Variants in CA10 observed in about 807,000 individuals in gnomAD.
The protein encoded by CA10 is carbonic anhydrase 10 (inactive).
In CA10, 14 loss-of-function variants were observed where a neutral mutation model predicts 44.2. That is an observed-to-expected ratio of 0.32 (90% confidence interval 0.21 to 0.50). The LOEUF (loss-of-function observed/expected upper bound fraction) is 0.50, where lower values mean the gene tolerates loss of function less well. CA10 is among the 20% of genes least tolerant of loss of function. The pLI, the probability that CA10 is intolerant of heterozygous loss-of-function variation, is 0.99. For synonymous variants in CA10, 159 were observed against 141.6 expected, an observed-to-expected ratio of 1.12 and a Z score of -0.87; for missense variants, 350 against 409.7, an observed-to-expected ratio of 0.85 and a Z score of 1.26.
chr17:51,889,734 G>A (rs758768338), intron 3 of CA10, among the ~76,000 whole-genome samples: 3 of 152,142 alleles, frequency 2.0e-5, no homozygotes, highest in Non-Finnish European at 4.4e-5. Flanking sequence ...CAGATCAATA[G>A]TAGCATCACT....
At chr17:51,980,710 G>C (rs1478685933) in intron 2 of CA10, among the ~76,000 whole-genome samples, 3 of 152,020 alleles carry the variant, frequency 2.0e-5, no homozygotes, top group African/African-American at 7.2e-5. Flanking sequence ...TATAAGGAAG[G>C]GGTCCAGCTT....
intron 3 of CA10, among the ~76,000 whole-genome samples, chr17:51,759,855 A>G (rs1356429147): frequency 6.6e-6 from 1 of 152,198 alleles, no homozygotes; most frequent in African/African-American, 2.4e-5. Context: ...TTGCTTTGAT[A>G]ATTATAAAGA....
chr17:51,939,534 C>T (rs887247962), intron 2 of CA10, among the ~76,000 whole-genome samples: 3 of 152,186 alleles, frequency 2.0e-5, no homozygotes, highest in East Asian at 1.9e-4. Flanking sequence ...ACTCTCCTAT[C>T]GGCAATGTGT....
chr17:52,072,365 T>C lies in CA10; in HGVS notation c.90A>G (p.Glu30=). ...SAQQNSPKIH[E]GWWAYKEVVQ... ...CCACCTCCTTGTATGCCCACCAGCC[T>C]TCATGGATTTTTGGTGAATTCTGTT... Residue 30 remains glutamate, a synonymous_variant, in exon 2 of 9, where the codon GAA becomes GAG. Coordinates refer to ENST00000451037, the MANE Select transcript of CA10 (RefSeq NM_020178.5). 6.2e-7 allele frequency: 1 copy of C among 1,613,496 alleles called. No homozygotes were observed. The highest frequency in any genetic ancestry group is 8.5e-7 in the Non-Finnish European group (1 of 1,179,528).
At chr17:51,849,097 A>ATG (rs959509008) in intron 3 of CA10, among the ~76,000 whole-genome samples, 3 of 147,204 alleles carry the variant, frequency 2.0e-5, no homozygotes, top group Non-Finnish European at 4.5e-5. Flanking sequence ...GTGTATATTT[A>ATG]TGTATATATA....
chr17:52,054,275 G>A (rs929437782), intron 2 of CA10, among the ~76,000 whole-genome samples: 1 of 152,102 alleles, frequency 6.6e-6, no homozygotes, highest in Non-Finnish European at 1.5e-5. Context: ...GTCTTTTACG[G>A]TCGTACATAA....
chr17:51,977,044 T>C (rs1984488105), intron 2 of CA10, among the ~76,000 whole-genome samples: 1 of 150,624 alleles, frequency 6.6e-6, no homozygotes, highest in Non-Finnish European at 1.5e-5. Context: ...GTATACATTT[T>C]AGAAACTTAA....
At chr17:52,004,294 T>C (rs933992909) in intron 2 of CA10, among the ~76,000 whole-genome samples, 6 of 151,944 alleles carry the variant, frequency 3.9e-5, no homozygotes, top group African/African-American at 1.2e-4. Context: ...CACATGCATA[T>C]GAAAAGTTAA....
intron 6 of CA10, among the ~76,000 whole-genome samples, chr17:51,636,544 C>T (rs764236469): frequency 3.9e-5 from 6 of 152,122 alleles, no homozygotes; most frequent in Admixed American, 1.3e-4. Flanking sequence ...GTAAGCAATG[C>T]GTTCTACCAC....
intron 1 of CA10, among the ~76,000 whole-genome samples, chr17:52,127,624 G>T (rs1989147924): frequency 6.6e-6 from 1 of 152,172 alleles, no homozygotes; most frequent in South Asian, 2.1e-4. Context: ...GAAGAGGCTG[G>T]TGTCCTCTAG....
At chr17:51,800,225 C>A (rs1005576717) in intron 3 of CA10, among the ~76,000 whole-genome samples, 4 of 152,046 alleles carry the variant, frequency 2.6e-5, no homozygotes, top group Admixed American at 2.6e-4. Context: ...GAAAACATTA[C>A]GTTAAATGCA....
chr17:51,702,079 A>G (rs1417232130), intron 4 of CA10, among the ~76,000 whole-genome samples: 3 of 144,398 alleles, frequency 2.1e-5, no homozygotes, highest in African/African-American at 8.8e-5. Context: ...TCACTTTACA[A>G]TATATTTCTT....
intron 4 of CA10, among the ~76,000 whole-genome samples, chr17:51,725,587 C>T (rs909908736): frequency 6.6e-6 from 1 of 152,230 alleles, no homozygotes; most frequent in Non-Finnish European, 1.5e-5. Context: ...CCAGTGGCCA[C>T]TTGCTGGCTG....
intron 1 of CA10, among the ~76,000 whole-genome samples, chr17:52,119,715 T>C (rs1037750225): frequency 2.0e-5 from 3 of 152,246 alleles, no homozygotes; most frequent in Non-Finnish European, 4.4e-5. Context: ...TCAGGCCAAG[T>C]ATAAGACTAA....
At chr17:51,896,474 C>G (rs1163389798) in intron 3 of CA10, among the ~76,000 whole-genome samples, 1 of 152,118 alleles carries the variant, frequency 6.6e-6, no homozygotes, top group Non-Finnish European at 1.5e-5. Context: ...TTTTCTTTCT[C>G]CAGTCTAATG....
intron 1 of CA10, among the ~76,000 whole-genome samples, chr17:52,151,644 G>T (rs940225265): frequency 6.6e-6 from 1 of 151,972 alleles, no homozygotes; most frequent in Non-Finnish European, 1.5e-5. Flanking sequence ...TAATTAATTG[G>T]CATTTACAAA....
At chr17:51,844,797 A>G (rs1978417691) in intron 3 of CA10, among the ~76,000 whole-genome samples, 1 of 152,242 alleles carries the variant, frequency 6.6e-6, no homozygotes, top group Non-Finnish European at 1.5e-5. Flanking sequence ...AAAACAAAAC[A>G]GAAATGATGG....
At chr17:51,957,327 A>G (rs1335249215) in intron 2 of CA10, among the ~76,000 whole-genome samples, 1 of 152,120 alleles carries the variant, frequency 6.6e-6, no homozygotes, top group Non-Finnish European at 1.5e-5. Context: ...CCTTCTGTTT[A>G]TTATGAGAGT....
At chr17:51,677,726 G>C (rs1005933201) in intron 4 of CA10, among the ~76,000 whole-genome samples, 32 of 152,100 alleles carry the variant, frequency 2.1e-4, no homozygotes, top group African/African-American at 7.2e-4. Flanking sequence ...GTGGCCCTCT[G>C]TCTCCTCTTG....
Sources: gnomAD v4.1 joint callset for allele counts (sites outside exome capture counted in the v4.1 genomes callset) on GRCh38, gnomAD v4.1.1 for gene constraint, MANE v1.5 for transcripts, NCBI Gene and HGNC (gene_info 2026-07-23, HGNC 2026-07-21) for gene names.